RPGRIP1: variants seen among roughly 807,000 people sequenced by gnomAD.
The protein encoded by RPGRIP1 is X-linked retinitis pigmentosa GTPase regulator-interacting protein 1.
RPGRIP1 carries 128 observed loss-of-function variants against 157.9 expected under a neutral mutation model. The observed-to-expected ratio is 0.81, with a 90% CI of 0.70 to 0.94. The LOEUF is 0.94. RPGRIP1 is among the 40% of genes least tolerant of loss of function. RPGRIP1 has a pLI of 0.00. For synonymous variants in RPGRIP1, 554 were observed against 571.6 expected (o/e 0.97, Z 0.44); for missense variants, 1,486 against 1,545.8 (o/e 0.96, Z 0.65).
intron 6 of RPGRIP1, among the ~76,000 whole-genome samples, chr14:21,306,834 G>A (rs964398577): frequency 6.6e-6 from 1 of 150,914 alleles, no homozygotes; most frequent in African/African-American, 2.4e-5. Context: ...GGAGTGCAGT[G>A]GTGCAATCTC....
At chr14:21,305,162 A>G (rs1881248346) in intron 6 of RPGRIP1, among the ~76,000 whole-genome samples, 1 of 152,140 alleles carries the variant, frequency 6.6e-6, no homozygotes, top group African/African-American at 2.4e-5. Context: ...TCATTATAGC[A>G]TCATACAGAA....
chr14:21,325,413 A>C, intron 16 of RPGRIP1, 30 bp downstream of exon 16: 6 of 1,551,130 alleles, frequency 3.9e-6, no homozygotes, highest in Non-Finnish European at 4.4e-6. Context: ...GAGGCATCTC[A>C]GAGGAGCCTC....
At chr14:21,307,925 A>T in intron 7 of RPGRIP1, 89 bp downstream of exon 7, 1 of 723,184 alleles carries the variant, frequency 1.4e-6, no homozygotes, top group Admixed American at 3.1e-5. Flanking sequence ...AAATATGAGA[A>T]GCCACAATTC....
At chr14:21,324,562 C>T in intron 14 of RPGRIP1, 56 bp from the exon 15 acceptor site, 3 of 1,430,218 alleles carry the variant, frequency 2.1e-6, no homozygotes, top group Non-Finnish European at 2.0e-6. Context: ...CCCTCCTCTA[C>T]CCTAAGAAAG....
Position 21,343,130 on chromosome 14 carries a change from A to C in RPGRIP1, c.3434A>C (p.Glu1145Ala), listed in dbSNP as rs758959479. 1 of 1,613,534 alleles carries C rather than the reference A, an allele frequency of 6.2e-7. No homozygotes were observed. The highest frequency in any genetic ancestry group is 8.5e-7 in the Non-Finnish European group (1 of 1,179,612). ...SDENIKQVYV[E>A]YKFYDLPLSE... is the part of the protein sequence containing the mutation. ...GAGAACATAAAACAGGTGTATGTGG[A>C]GTACAAATTCTACGACCTACCCTTG... Residue 1145 changes from glutamate to alanine, a missense_variant, in exon 22 of 25, where the codon GAG (glutamate) becomes GCG (alanine). Coordinates refer to ENST00000400017, the MANE Select transcript of RPGRIP1 (RefSeq NM_020366.4).
chr14:21,328,360 T>C, intron 18 of RPGRIP1, 64 bp from the exon 19 acceptor site: 3 of 1,222,044 alleles, frequency 2.5e-6, no homozygotes, highest in Non-Finnish European at 3.5e-6. Flanking sequence ...CCCAAATCCC[T>C]TTCTTGTGTT....
intron 2 of RPGRIP1, among the ~76,000 whole-genome samples, chr14:21,289,347 C>A (rs923549846): frequency 2.5e-4 from 38 of 151,902 alleles, no homozygotes; most frequent in Admixed American, 9.9e-4. Context: ...CCCCAAAAAA[C>A]CATATTTTTC....
chr14:21,345,077 A>G (rs531036568), intron 22 of RPGRIP1, 36 bp from the exon 23 acceptor site: 114 of 1,377,702 alleles, frequency 8.3e-5, no homozygotes, highest in Middle Eastern at 7.1e-4. Context: ...GCAACAGTAT[A>G]TGATTCTTTG....
At chr14:21,290,658 T>C (rs977908631) in intron 2 of RPGRIP1, among the ~76,000 whole-genome samples, 1 of 150,962 alleles carries the variant, frequency 6.6e-6, no homozygotes, top group Non-Finnish European at 1.5e-5. Context: ...TACTAAAAAA[T>C]ACAAAAAAAA....
In RPGRIP1 at chr14:21,351,157, C is replaced by G. The variant is rs757070531; in HGVS notation, c.3802C>G (p.Gln1268Glu). ...TPIGRLKVSL[Q>E]AAAVLHAIYK... Reference sequence around the variant, plus strand: ...AATAGGAAGGCTGAAGGTTTCCCTTCAAGCAGCTGCTGTCCTCCATGCTAT... The same window carrying G: ...AATAGGAAGGCTGAAGGTTTCCCTTGAAGCAGCTGCTGTCCTCCATGCTAT... Residue 1268 changes from glutamine to glutamate, a missense_variant, in exon 25 of 25, where the codon CAA (glutamine) becomes GAA (glutamate). Physicochemically the swap from Gln to Glu is conservative, Grantham distance 29. Transcript: ENST00000400017. 2 of 1,612,914 alleles carry G rather than the reference C, an allele frequency of 1.2e-6. No individual in the cohort carries two copies. Among genetic ancestry groups the G allele is most frequent in the Admixed American group, 3.3e-5 (2 of 59,908 alleles).
chr14:21,288,191 T>C (rs1258348419), intron 2 of RPGRIP1, 130 bp downstream of exon 2: 2 of 668,566 alleles, frequency 3.0e-6, no homozygotes, highest in Non-Finnish European at 2.6e-6. Context: ...TTTTTTTTTT[T>C]TTTTTTTGAG....
At chr14:21,307,448 G>A (rs1881364738) in intron 6 of RPGRIP1, among the ~76,000 whole-genome samples, 1 of 152,178 alleles carries the variant, frequency 6.6e-6, no homozygotes, top group Admixed American at 6.6e-5. Context: ...AAGGTTTGTG[G>A]GAAATTATGA....
At chr14:21,298,378 T>TA (rs1350650619) in intron 3 of RPGRIP1, among the ~76,000 whole-genome samples, 1 of 151,984 alleles carries the variant, frequency 6.6e-6, no homozygotes, top group East Asian at 1.9e-4. Flanking sequence ...CAGGCGCCTA[T>TA]AATCCCAGCT....
At chr14:21,351,056 A>T (rs1356719685) in intron 24 of RPGRIP1, 48 bp from the exon 25 acceptor site, 1 of 1,047,658 alleles carries the variant, frequency 9.5e-7, no homozygotes, top group Admixed American at 2.2e-5. Flanking sequence ...AATACCAAGT[A>T]TCAAAGTGTT....
At chr14:21,323,100 G>A (rs1405649696) in intron 14 of RPGRIP1, among the ~76,000 whole-genome samples, 2 of 152,180 alleles carry the variant, frequency 1.3e-5, no homozygotes, top group Non-Finnish European at 1.5e-5. Context: ...AAATCAGTAA[G>A]TAGGTTTCTT....
chr14:21,282,060 A>G (rs1880152599), intron 1 of RPGRIP1, among the ~76,000 whole-genome samples: 1 of 152,084 alleles, frequency 6.6e-6, no homozygotes, highest in African/African-American at 2.4e-5. Context: ...GCAACATTGC[A>G]CTCCAGCCCA....
intron 10 of RPGRIP1, 78 bp from the exon 11 acceptor site, chr14:21,317,618 G>C: frequency 1.9e-6 from 3 of 1,550,576 alleles, no homozygotes; most frequent in Non-Finnish European, 2.6e-6. Context: ...AGGTCCAGGA[G>C]ATGCTGAAAC....
At chr14:21,296,951 TAAAA>T (rs34451423) in intron 3 of RPGRIP1, among the ~76,000 whole-genome samples, 1 of 116,068 alleles carries the variant, frequency 8.6e-6, no homozygotes, top group Non-Finnish European at 1.9e-5. Context: ...AGACTCCATC[TAAAA>T]AAAAAAAAAA....
chr14:21,320,211 G>A (rs1301318028), intron 12 of RPGRIP1, 34 bp downstream of exon 12: 1 of 1,566,538 alleles, frequency 6.4e-7, no homozygotes, highest in Non-Finnish European at 8.7e-7. Context: ...AGTCCACTCT[G>A]CAGAGAGATC....
Sources: gnomAD v4.1 joint callset for allele counts (sites outside exome capture counted in the v4.1 genomes callset) on GRCh38, gnomAD v4.1.1 for gene constraint, MANE v1.5 for transcripts, NCBI Gene and HGNC (gene_info 2026-07-23, HGNC 2026-07-21) for gene names.